SP140L: variants seen among roughly 807,000 people sequenced by gnomAD.
SP140L encodes the protein SP140 like nuclear body protein, also known as nuclear body protein SP140-like protein.
SP140L carries 64 observed loss-of-function variants against 84.3 expected under a neutral mutation model. The ratio of observed to expected loss-of-function variants is 0.76; its 90% CI spans 0.62 to 0.94. SP140L has a LOEUF of 0.94. SP140L is among the 40% of genes least tolerant of loss of function. SP140L has a pLI of 0.00. For synonymous variants in SP140L, 242 were observed against 236.9 expected (o/e 1.02, Z -0.20); for missense variants, 628 against 692.5 (o/e 0.91, Z 1.05).
intron 1 of SP140L, among the ~76,000 whole-genome samples, chr2:230,328,152 G>C (rs1240928389): frequency 6.6e-6 from 1 of 152,064 alleles, no homozygotes; most frequent in Non-Finnish European, 1.5e-5. Context: ...CTGTCTCCTG[G>C]GTTCAAGCGA....
At chr2:230,341,596 T>C (rs369703902) in intron 2 of SP140L, among the ~76,000 whole-genome samples, 14 of 150,374 alleles carry the variant, frequency 9.3e-5, no homozygotes, top group African/African-American at 3.2e-4. Context: ...AGTTTTTCTG[T>C]TCTGTTTTTT....
intron 14 of SP140L, among the ~76,000 whole-genome samples, chr2:230,397,019 C>T (rs997582640): frequency 1.3e-5 from 2 of 152,172 alleles, no homozygotes; most frequent in Non-Finnish European, 2.9e-5. Context: ...TGGAAACCCT[C>T]CAATATCCTT....
At chr2:230,378,235 A>AGGTAGT (rs71052505) in intron 7 of SP140L, among the ~76,000 whole-genome samples, 34,752 of 151,878 alleles carry the variant, frequency 0.23, 4,154 homozygotes, top group Non-Finnish European at 0.28. Context: ...TCCTGAAATC[A>AGGTAGT]GGTAGTGTAA....
At chr2:230,402,403 A>C (rs1022195988) in intron 18 of SP140L, among the ~76,000 whole-genome samples, 1 of 152,246 alleles carries the variant, frequency 6.6e-6, no homozygotes, top group African/African-American at 2.4e-5. Flanking sequence ...ATAAGAAAGG[A>C]TCATGCTGGT....
At chr2:230,379,464 T>C (rs2061342191) in intron 7 of SP140L, among the ~76,000 whole-genome samples, 1 of 152,194 alleles carries the variant, frequency 6.6e-6, no homozygotes, top group African/African-American at 2.4e-5. Context: ...ACCCCATCTC[T>C]ACCATTTGGC....
intron 2 of SP140L, among the ~76,000 whole-genome samples, chr2:230,350,627 A>G (rs2060335945): frequency 6.6e-6 from 1 of 152,216 alleles, no homozygotes; most frequent in African/African-American, 2.4e-5. Context: ...TTGGGAGAAG[A>G]GAGACAATGA....
intron 2 of SP140L, among the ~76,000 whole-genome samples, chr2:230,342,569 G>C (rs1177375203): frequency 2.0e-5 from 3 of 152,034 alleles, no homozygotes; most frequent in African/African-American, 7.2e-5. Context: ...TATTCAATCA[G>C]TTTACTTATT....
chr2:230,399,797 T>C, intron 14 of SP140L: 1 of 192,526 alleles, frequency 5.2e-6, no homozygotes, highest in Non-Finnish European at 1.1e-5. Flanking sequence ...ACACTTTACT[T>C]CAAAACCTGG....
chr2:230,359,524 G>C (rs1387997782), intron 4 of SP140L, among the ~76,000 whole-genome samples: 1 of 152,158 alleles, frequency 6.6e-6, no homozygotes, highest in Admixed American at 6.5e-5. Flanking sequence ...GTGGGTGCAG[G>C]ATCCACTTTG....
At chr2:230,364,115 T>A (rs1359644320) in intron 5 of SP140L, among the ~76,000 whole-genome samples, 1 of 152,192 alleles carries the variant, frequency 6.6e-6, no homozygotes, top group East Asian at 1.9e-4. Flanking sequence ...AGCTTTGTTC[T>A]TTTTGCTTAA....
At chr2:230,385,048 G>T (rs891693245) in intron 8 of SP140L, among the ~76,000 whole-genome samples, 176 bp from the exon 9 acceptor site, 2 of 152,100 alleles carry the variant, frequency 1.3e-5, no homozygotes, top group African/African-American at 4.8e-5. Context: ...TTCAATGTAC[G>T]GTTAAATTCT....
chr2:230,393,350 A>G (rs2061905505), intron 12 of SP140L, 64 bp from the exon 13 acceptor site: 2 of 1,513,934 alleles, frequency 1.3e-6, no homozygotes, highest in Non-Finnish European at 1.8e-6. Flanking sequence ...AAGAGGTTGG[A>G]AATGCCAGAC....
At chr2:230,339,946 G>A (rs1158832136) in intron 2 of SP140L, among the ~76,000 whole-genome samples, 1 of 151,156 alleles carries the variant, frequency 6.6e-6, no homozygotes, top group Non-Finnish European at 1.5e-5. Context: ...TAGGTGTGGT[G>A]CTGAAAAAAA....
intron 2 of SP140L, among the ~76,000 whole-genome samples, chr2:230,353,281 A>G (rs936243530): frequency 6.6e-6 from 1 of 151,986 alleles, no homozygotes; most frequent in African/African-American, 2.4e-5. Flanking sequence ...TCCTTATGCA[A>G]TATGTTTCAT....
At chr2:230,330,300 G>GAACC (rs1394450864) in intron 2 of SP140L, among the ~76,000 whole-genome samples, 1 of 152,102 alleles carries the variant, frequency 6.6e-6, no homozygotes, top group Non-Finnish European at 1.5e-5. Flanking sequence ...CACTTATTGT[G>GAACC]AACCAGGTGG....
intron 2 of SP140L, among the ~76,000 whole-genome samples, chr2:230,354,932 GAAA>G (rs1276100062): frequency 1.3e-5 from 2 of 149,538 alleles, no homozygotes; most frequent in African/African-American, 4.9e-5. Flanking sequence ...AAAGAAAAAA[GAAA>G]AAGAAAAAGA....
At chr2:230,368,675 A>G (rs2060962280) in intron 5 of SP140L, among the ~76,000 whole-genome samples, 1 of 151,790 alleles carries the variant, frequency 6.6e-6, no homozygotes, top group African/African-American at 2.4e-5. Flanking sequence ...CTCTAGCTGT[A>G]TTTTCAGACA....
chr2:230,333,587 A>G (rs553260082), intron 2 of SP140L, among the ~76,000 whole-genome samples: 100 of 152,124 alleles, frequency 6.6e-4, no homozygotes, highest in African/African-American at 2.3e-3. Flanking sequence ...TGTTGTGCTT[A>G]GTTCTCCGGG....
intron 11 of SP140L, among the ~76,000 whole-genome samples, chr2:230,390,599 G>A (rs2061760884): frequency 6.6e-6 from 1 of 152,162 alleles, no homozygotes; most frequent in Non-Finnish European, 1.5e-5. Flanking sequence ...TTTTACGATT[G>A]AAAATTATAA....
Sources: allele counts gnomAD v4.1 joint callset (sites outside exome capture counted in the v4.1 genomes callset), GRCh38; gene constraint gnomAD v4.1.1; transcripts MANE v1.5; gene names NCBI Gene and HGNC (gene_info 2026-07-23, HGNC 2026-07-21).